Variants in SLC12A5 observed in about 807,000 individuals in gnomAD.
SLC12A5 encodes the protein solute carrier family 12 member 5.
A neutral mutation model predicts 124.0 loss-of-function variants in SLC12A5; 18 were observed. The ratio of observed to expected loss-of-function variants is 0.15; its 90% CI spans 0.10 to 0.22. The LOEUF (loss-of-function observed/expected upper bound fraction) is 0.22. Among genes scored for constraint, SLC12A5 ranks in the 10% least tolerant of loss-of-function variants. The probability of loss-of-function intolerance (pLI) is 1.00; values close to 1 mark genes in which losing one functional copy is unlikely to be tolerated. For missense variants in SLC12A5, 867 were observed against 1,478.7 expected (o/e 0.59, Z 6.78); for synonymous variants, 589 against 568.0 (o/e 1.04, Z -0.53).
chr20:46,035,508 T>C lies in SLC12A5; in HGVS notation c.252T>C (p.Asn84=), dbSNP rs2084489421. The C allele has an allele frequency of 6.2e-7, 1 of 1,604,098 alleles. No homozygotes were observed. Among genetic ancestry groups the C allele is most frequent in the African/African-American group, 1.4e-5 (1 of 71,046 alleles). Residue 84 remains asparagine (N), a synonymous_variant, in exon 3 of 26, where the codon AAT becomes AAC. Transcript: ENST00000243964. ...GSREHEEAEN[N]EGGKKKPVQA... is the part of the protein sequence containing the mutation. The stretch of plus-strand genomic sequence containing the variant: ...GGGAGCATGAAGAGGCAGAAAACAA[T>C]GAGGGTGGAAAAAAGAAGCCGGTGC...
chr20:46,044,046 G>A, intron 11 of SLC12A5, 113 bp downstream of exon 11: 8 of 923,314 alleles, frequency 8.7e-6, no homozygotes, highest in Non-Finnish European at 1.3e-5. Flanking sequence ...GCCTGTGGGA[G>A]GGAGGCCACG....
Position 46,045,795 on chromosome 20 carries a change from C to G in SLC12A5, c.1570-83C>G. 1.8e-6 allele frequency: 2 copies of G among 1,088,350 alleles called. No homozygotes were observed. The highest frequency in any genetic ancestry group is 3.1e-5 in the African/African-American group (2 of 64,574). The allele number at this position is 1,088,350 out of a possible 1,614,324, so 67.4% of individuals were successfully genotyped here. A position where few individuals can be genotyped will look rare whatever the true frequency, so the allele number is the denominator to read the frequency against. Reference sequence around the variant, plus strand: ...CTCTTTGGTGATAGGATTCCTGCCTCTACTCCACTGGTTCCCGAGGCTAGG... The same window carrying G: ...CTCTTTGGTGATAGGATTCCTGCCTGTACTCCACTGGTTCCCGAGGCTAGG... On this transcript the variant is annotated intron_variant, in intron 12 of 25. Transcript: ENST00000243964. This position sits in a 1 kb window ranked among gnomAD's most constrained non-coding sequence, Gnocchi z 4.9.
chr20:46,042,041 C>G (rs1467265107), intron 8 of SLC12A5, among the ~76,000 whole-genome samples: 1 of 152,100 alleles, frequency 6.6e-6, no homozygotes, highest in Non-Finnish European at 1.5e-5. Flanking sequence ...AAGGAAATTG[C>G]AACCAGAAGA....
At position 46,045,634 on chromosome 20, in the gene SLC12A5, G is replaced by T. The variant is rs1333297499; in HGVS notation, c.1570-244G>T. Among the ~76,000 whole-genome samples the T allele has an allele frequency of 1.3e-5, 2 of 152,148 alleles. No individual in the cohort carries two copies. Among genetic ancestry groups the T allele is most frequent in the African/African-American group, 4.8e-5 (2 of 41,442 alleles). On this transcript the variant is annotated intron_variant, in intron 12 of 25. Transcript: ENST00000243964. This position sits in a 1 kb window ranked among gnomAD's most constrained non-coding sequence, Gnocchi z 4.9. ...CTCCTCTCCCATCTGGTCCTCTGCA[G>T]CTGCTTTCCCCCTCTAGGGATCATT...
At chr20:46,055,931 C>A in intron 21 of SLC12A5, 1 of 590,458 alleles carries the variant, frequency 1.7e-6, no homozygotes, top group South Asian at 2.0e-5. Flanking sequence ...CAAGGTTAAC[C>A]CTTTTGTTGC....
chr20:46,054,456 A>G (rs1030082906), intron 20 of SLC12A5, among the ~76,000 whole-genome samples: 2 of 152,212 alleles, frequency 1.3e-5, no homozygotes, highest in African/African-American at 4.8e-5. Flanking sequence ...CCTGTAGAGC[A>G]TCTTGTCCAA....
At chr20:46,050,875 A>G (rs757524392) in intron 17 of SLC12A5, among the ~76,000 whole-genome samples, 1 of 152,234 alleles carries the variant, frequency 6.6e-6, no homozygotes, top group African/African-American at 2.4e-5. Context: ...AGTGTTTTCA[A>G]TTCCTCAGGC....
chr20:46,032,504 C>A (rs2084462887), intron 1 of SLC12A5, among the ~76,000 whole-genome samples: 1 of 152,164 alleles, frequency 6.6e-6, no homozygotes, highest in Admixed American at 6.5e-5. Flanking sequence ...TAATAATAAT[C>A]GCAATTGTAA....
exon 1 of SLC12A5, chr20:46,021,872 G>T (rs1447779774): frequency 6.5e-7 from 1 of 1,529,678 alleles, no homozygotes; most frequent in Non-Finnish European, 8.7e-7. Flanking sequence ...CACCTCCCGG[G>T]GGAAGACGTC....
chr20:46,027,913 T>C (rs531102784), upstream of SLC12A5: 3 of 152,332 alleles, frequency 2.0e-5, no homozygotes, highest in South Asian at 6.2e-4. Flanking sequence ...ACTGATCTTT[T>C]CCCAACCGAA....
intron 17 of SLC12A5, among the ~76,000 whole-genome samples, chr20:46,050,327 T>C (rs2084636417): frequency 6.6e-6 from 1 of 152,242 alleles, no homozygotes; most frequent in Non-Finnish European, 1.5e-5. Context: ...CCCTGCTCTG[T>C]GTCACCTGCT....
At position 46,058,654 on chromosome 20, in the gene SLC12A5, C is replaced by A; in HGVS notation, c.*1049C>A. 1 of 399,052 alleles carries A rather than the reference C, an allele frequency of 2.5e-6. No homozygotes were observed. The highest frequency in any genetic ancestry group is 4.4e-6 in the Non-Finnish European group (1 of 226,078). 24.7% of individuals were successfully genotyped at this position (399,052 alleles called of 1,614,324 possible). On this transcript the variant is annotated 3_prime_UTR_variant, in exon 26 of 26. Transcript: ENST00000243964. The surrounding 1 kb of genome is among the most constrained non-coding windows in gnomAD (Gnocchi z 5.8). ...CTCAGTCGGCTTGTCGCCTGCTCCC[C>A]GTATCCCATGGCTCCTCGCCAAAGA...
rs1295554853 is a variant in SLC12A5 at position 46,051,778 on chromosome 20, G to T, written c.2285G>T (p.Gly762Val). The T allele has an allele frequency of 6.2e-7, 1 of 1,609,080 alleles. No individual in the cohort carries two copies. The highest frequency in any genetic ancestry group is 8.5e-7 in the Non-Finnish European group (1 of 1,177,950). The change falls in exon 18 of 26, where the codon GGC becomes GTC. Residue 762 changes from glycine (G) to valine (V), a missense_variant. This residue lies in a region of SLC12A5 where 110 missense variants were observed against 149.9 expected (regional missense o/e 0.73). Transcript: ENST00000243964. ...DGVSHLIQSG[G>V]LGGLQHNTVL... is the part of the protein sequence containing the mutation. ...GTGTCCCATCTGATCCAGTCCGGGG[G>T]CCTCGGGGGGCTGCAGCACAACACT... is the stretch of plus-strand genomic sequence containing the variant.
chr20:46,051,892 G>T, intron 18 of SLC12A5, 22 bp downstream of exon 18: 1 of 538,976 alleles, frequency 1.9e-6, no homozygotes, highest in Non-Finnish European at 3.1e-6. Context: ...GGGGGCTGGG[G>T]ACAGAAGAGG....
At position 46,053,194 on chromosome 20, in the gene SLC12A5, G is replaced by A; in HGVS notation, c.2547+68G>A. On this transcript the variant is annotated intron_variant, in intron 19 of 25. Transcript: ENST00000243964. This position sits in a 1 kb window ranked among gnomAD's most constrained non-coding sequence, Gnocchi z 4.7. ...TGCATGTATGCATTTGTGTGCATAT[G>A]TGCACAACTGCAGGTCAGACTCAGG... 1 of 1,500,802 alleles carries A rather than the reference G, an allele frequency of 6.7e-7. No individual in the cohort carries two copies. The highest frequency in any genetic ancestry group is 9.1e-7 in the Non-Finnish European group (1 of 1,098,526). The allele number at this position is 1,500,802 out of a possible 1,614,324, so 93.0% of individuals were successfully genotyped here.
chr20:46,048,074 C>A lies in SLC12A5; in HGVS notation c.2001C>A (p.Thr667=), dbSNP rs201124120. 3.7e-6 allele frequency: 6 copies of A among 1,611,886 alleles called. No homozygotes were observed. Among genetic ancestry groups the A allele is most frequent in the Admixed American group, 1.7e-5 (1 of 59,740 alleles). ...GCCTGGAGGAAGGGCCCCCACACAC[C>A]AAGAACTGGAGGTTAGTGGTGAGGG... ...LLRLEEGPPH[T]KNWRPQLLVL... The change falls in exon 16 of 26, where the codon ACC becomes ACA. Residue 667 remains threonine (T), a synonymous_variant. Transcript: ENST00000243964.
At chr20:46,036,072 GTCCT>G in intron 4 of SLC12A5, 149 bp downstream of exon 4, 1 of 954,180 alleles carries the variant, frequency 1.0e-6, no homozygotes, top group Non-Finnish European at 1.5e-6. Context: ...GGCCTGACTG[GTCCT>G]TCCTGCATCT....
chr20:46,056,260 G>A lies in SLC12A5; in HGVS notation c.2898G>A (p.Lys966=). 1 of 1,614,198 alleles carries A rather than the reference G, an allele frequency of 6.2e-7. No homozygotes were observed. The highest frequency in any genetic ancestry group is 2.2e-5 in the East Asian group (1 of 44,872). Residue 966 remains lysine, a synonymous_variant, in exon 22 of 26, where the codon AAG becomes AAA. Transcript: ENST00000243964. The surrounding 1 kb of genome is among the most constrained non-coding windows in gnomAD (Gnocchi z 4.3). ...PEETAGDSEE[K]PEEEVQLIHD... is the part of the protein sequence containing the mutation. ...AGACGGCTGGTGACAGTGAAGAGAAGCCAGAGGAGGAGGTGTGCAGCTTGG... is the reference window on the plus strand; with the variant it reads ...AGACGGCTGGTGACAGTGAAGAGAAACCAGAGGAGGAGGTGTGCAGCTTGG...
At chr20:46,029,430 G>T (rs777360890) in intron 1 of SLC12A5, 34 bp downstream of exon 1, 2 of 1,543,972 alleles carry the variant, frequency 1.3e-6, no homozygotes, top group Admixed American at 2.0e-5. Flanking sequence ...GGGGGAGGGG[G>T]CAGCGAGGAG....
Sources: allele counts gnomAD v4.1 joint callset (sites outside exome capture counted in the v4.1 genomes callset), GRCh38; gene constraint gnomAD v4.1.1; regional missense constraint gnomAD v4.1.1; non-coding constraint Gnocchi (gnomAD v3.1); transcripts MANE v1.5; gene names NCBI Gene and HGNC (gene_info 2026-07-23, HGNC 2026-07-21).